Variants in RIMS2 observed in about 807,000 individuals in gnomAD.
RIMS2 encodes the protein regulating synaptic membrane exocytosis 2, also known as regulating synaptic membrane exocytosis protein 2.
Under a neutral mutation model 174.4 loss-of-function variants are expected in RIMS2, and 59 were observed. The observed-to-expected ratio is 0.34, with a 90% CI of 0.27 to 0.42. The LOEUF is 0.42. RIMS2 is among the 10% of genes least tolerant of loss of function. RIMS2 has a pLI of 1.00. For missense variants in RIMS2, 1,620 were observed against 1,666.3 expected (o/e 0.97, Z 0.48); for synonymous variants, 606 against 572.5 (o/e 1.06, Z -0.84).
At chr8:103,915,583 A>G (rs768203768) in exon 7 of RIMS2, 6 of 1,568,406 alleles carry the variant, frequency 3.8e-6, no homozygotes, top group South Asian at 1.1e-5. Flanking sequence ...ACTGTAGGAC[A>G]TCTTAGACCA....
intron 19 of RIMS2, among the ~76,000 whole-genome samples, chr8:104,201,502 T>G (rs1016871923): frequency 6.6e-5 from 10 of 152,174 alleles, no homozygotes; most frequent in African/African-American, 2.2e-4. Flanking sequence ...TTCGGCATCA[T>G]AGATTTAAAT....
In RIMS2 at chr8:104,123,390, A is replaced by G. The variant is rs183843614; in HGVS notation, c.3334+108775A>G. ...TGTAGAATGCACTAGTTCATTCTACATAGGCAGGAGTTTCCTCCATTAAAA... is the reference window on the plus strand; with the variant it reads ...TGTAGAATGCACTAGTTCATTCTACGTAGGCAGGAGTTTCCTCCATTAAAA... On this transcript the variant is annotated intron_variant, in intron 19 of 23. Coordinates refer to ENST00000504942, the Ensembl canonical transcript of RIMS2. Among the ~76,000 whole-genome samples the G allele has an allele frequency of 3.5e-3, 525 of 152,144 alleles. 8 individuals carry two copies. The highest frequency in any genetic ancestry group is 1.8e-3 in the Non-Finnish European group (124 of 67,906).
At chr8:104,016,277 A>C (rs1467932314) in intron 19 of RIMS2, among the ~76,000 whole-genome samples, 1 of 152,122 alleles carries the variant, frequency 6.6e-6, no homozygotes, top group Non-Finnish European at 1.5e-5. Flanking sequence ...AATAGTATAC[A>C]AAGTACCACT....
intron 19 of RIMS2, chr8:104,015,404 T>C: frequency 1.5e-6 from 1 of 682,960 alleles, no homozygotes; most frequent in Non-Finnish European, 2.6e-6. Context: ...TGTTTTTTGT[T>C]TTTATTTTGT....
intron 19 of RIMS2, among the ~76,000 whole-genome samples, chr8:104,042,185 T>C (rs1214924832): frequency 6.6e-6 from 1 of 151,510 alleles, no homozygotes; most frequent in African/African-American, 2.4e-5. Flanking sequence ...TGGATATTAG[T>C]TCAAGAAAGA....
chr8:103,713,976 G>A (rs1440547642), intron 2 of RIMS2, among the ~76,000 whole-genome samples: 1 of 151,998 alleles, frequency 6.6e-6, no homozygotes, highest in East Asian at 1.9e-4. Context: ...CACTTGATGA[G>A]CACTTACTTA....
At chr8:104,015,084 T>C (rs997121288) in intron 19 of RIMS2, among the ~76,000 whole-genome samples, 3 of 152,168 alleles carry the variant, frequency 2.0e-5, no homozygotes, top group African/African-American at 7.2e-5. Context: ...GTTGTACTGA[T>C]GTTTTATTAA....
intron 3 of RIMS2, among the ~76,000 whole-genome samples, chr8:103,876,379 G>GT (rs72544686): frequency 0.019 from 2,877 of 150,714 alleles, 47 homozygotes; most frequent in Admixed American, 0.033. Context: ...CCAGTGTATG[G>GT]TTTTTTTTTA....
chr8:104,006,184 T>C (rs1036332671), intron 17 of RIMS2, among the ~76,000 whole-genome samples: 2 of 152,138 alleles, frequency 1.3e-5, no homozygotes, highest in Non-Finnish European at 2.9e-5. Flanking sequence ...TTATTTCTTG[T>C]TTCTGTTGTA....
intron 1 of RIMS2, among the ~76,000 whole-genome samples, chr8:103,547,210 A>G (rs1263630247): frequency 6.6e-6 from 1 of 152,214 alleles, no homozygotes; most frequent in East Asian, 1.9e-4. Context: ...AAAAGTGAGA[A>G]GAACAATAGG....
intron 19 of RIMS2, chr8:104,223,788 AAGG>A: frequency 6.3e-7 from 1 of 1,595,976 alleles, no homozygotes; most frequent in Non-Finnish European, 8.5e-7. Flanking sequence ...GAGGAGGAAG[AAGG>A]AGGTGAGACA....
chr8:104,057,733 A>G, intron 19 of RIMS2, among the ~76,000 whole-genome samples: 1 of 83,632 alleles, frequency 1.2e-5, no homozygotes. Flanking sequence ...CCCACCCCAC[A>G]ACAGTCCCCA....
In RIMS2 at chr8:103,731,160, G is replaced by T. The variant is rs373857143; in HGVS notation, c.387+33864G>T. On this transcript the variant is annotated intron_variant, in intron 2 of 23. Coordinates refer to ENST00000504942, the Ensembl canonical transcript of RIMS2. ...GTCCCTCCTATGATACATGGGAATT[G>T]TGGGAGCTACAATTCATGGTGAGAT... 1.5e-3 allele frequency among the ~76,000 whole-genome samples: 232 copies of T among 152,296 alleles called. 1 individual carries two copies. Among genetic ancestry groups the T allele is most frequent in the African/African-American group, 5.3e-3 (219 of 41,566 alleles).
chr8:103,817,778 T>A (rs1233621555), intron 3 of RIMS2, among the ~76,000 whole-genome samples: 3 of 152,148 alleles, frequency 2.0e-5, no homozygotes, highest in East Asian at 3.9e-4. Flanking sequence ...TCCAAAAAAA[T>A]AAATAATTAA....
At chr8:103,757,675 G>A (rs948193559) in intron 2 of RIMS2, among the ~76,000 whole-genome samples, 1 of 152,098 alleles carries the variant, frequency 6.6e-6, no homozygotes, top group Non-Finnish European at 1.5e-5. Context: ...CAACATGCAG[G>A]TGTGATACAG....
At chr8:103,886,265 A>G in intron 4 of RIMS2, 42 bp downstream of exon 7, 1 of 1,522,752 alleles carries the variant, frequency 6.6e-7, no homozygotes, top group East Asian at 2.3e-5. Context: ...TTGATTAGAT[A>G]AGCGTTTTTT....
chr8:103,857,323 A>G (rs762735785), intron 3 of RIMS2, among the ~76,000 whole-genome samples: 1 of 152,226 alleles, frequency 6.6e-6, no homozygotes, highest in East Asian at 1.9e-4. Context: ...GTTACAGTTT[A>G]TTGAAATTCT....
At chr8:103,524,710 C>A (rs1481872062) in intron 1 of RIMS2, among the ~76,000 whole-genome samples, 2 of 152,176 alleles carry the variant, frequency 1.3e-5, no homozygotes, top group African/African-American at 4.8e-5. Flanking sequence ...AACCTATAGT[C>A]CTGTTGATGG....
intron 1 of RIMS2, among the ~76,000 whole-genome samples, chr8:103,606,937 A>C (rs570705794): frequency 2.0e-5 from 3 of 151,850 alleles, no homozygotes; most frequent in Non-Finnish European, 4.4e-5. Context: ...CACACTGATG[A>C]GTCTTGACTC....
Sources: gnomAD v4.1 joint callset for allele counts (sites outside exome capture counted in the v4.1 genomes callset) on GRCh38, gnomAD v4.1.1 for gene constraint, MANE v1.5 for transcripts, NCBI Gene and HGNC (gene_info 2026-07-23, HGNC 2026-07-21) for gene names.